The following PTPRB variants were observed in gnomAD, a reference collection of about 807,000 sequenced individuals.
PTPRB encodes the protein protein tyrosine phosphatase receptor type B, also known as receptor-type tyrosine-protein phosphatase beta.
A neutral mutation model predicts 238.1 loss-of-function variants in PTPRB; 97 were observed. The ratio of observed to expected loss-of-function variants is 0.41; its 90% CI spans 0.35 to 0.48. The LOEUF is 0.48. Among genes scored for constraint, PTPRB ranks in the 20% least tolerant of loss-of-function variants. The pLI is 0.30. For missense variants in PTPRB, 2,292 were observed against 2,681.9 expected (o/e 0.85, Z 3.21); for synonymous variants, 970 against 995.4 (o/e 0.97, Z 0.48).
At chr12:70,601,790 C>CTTTTTTTTTTTTTTTTT in intron 4 of PTPRB, among the ~76,000 whole-genome samples, 1 of 127,540 alleles carries the variant, frequency 7.8e-6, no homozygotes, top group African/African-American at 2.9e-5. Flanking sequence ...TTTCTTTTTT[C>CTTTTTTTTTTTTTTTTT]TTTTTTTTTT....
intron 29 of PTPRB, among the ~76,000 whole-genome samples, chr12:70,535,644 G>C (rs1483181759): frequency 1.3e-5 from 2 of 152,152 alleles, no homozygotes; most frequent in Non-Finnish European, 2.9e-5. Flanking sequence ...TTTACTTTGT[G>C]TCTGCCAACA....
rs377608066 is a variant in PTPRB at position 70,534,955 on chromosome 12, C to T, written c.6082G>A (p.Val2028Ile). 13 of 1,612,846 alleles carry T rather than the reference C, an allele frequency of 8.1e-6. No homozygotes were observed. In the Admixed American group the frequency reaches 1.7e-4, roughly 21 times the overall value. The change falls in exon 30 of 34, where the codon GTA becomes ATA. Residue 2028 changes from valine (V) to isoleucine (I), a missense_variant and splice_region_variant. Val to Ile is a conservative substitution (Grantham distance 29, BLOSUM62 3). This residue lies in a region of PTPRB where 397 missense variants were observed against 502.0 expected (regional missense o/e 0.79). Coordinates refer to ENST00000334414, the MANE Select transcript of PTPRB (RefSeq NM_001109754.4). ...GCTGGCCAGTAATGATCACACTTTACCTAGAACAGGACAGACAGAAAAAAC... is the reference window on the plus strand; with the variant it reads ...GCTGGCCAGTAATGATCACACTTTATCTAGAACAGGACAGACAGAAAAAAC... ...MVTQCVEKGR[V>I]KCDHYWPADQ...
intron 10 of PTPRB, among the ~76,000 whole-genome samples, chr12:70,580,541 C>T (rs1016935845): frequency 6.6e-6 from 1 of 152,162 alleles, no homozygotes. Flanking sequence ...AATATTCAGC[C>T]AGGAGTGGTG....
chr12:70,561,321 C>T (rs758580064), intron 16 of PTPRB, among the ~76,000 whole-genome samples: 1 of 152,178 alleles, frequency 6.6e-6, no homozygotes. Flanking sequence ...CTCTCTGGGT[C>T]TCTTTACATC....
At chr12:70,592,016 G>A in intron 7 of PTPRB, 1 of 504,618 alleles carries the variant, frequency 2.0e-6, no homozygotes, top group East Asian at 3.4e-5. Context: ...TTATATACTG[G>A]TATCAATGCT....
At chr12:70,583,978 A>G (rs1196473801) in intron 9 of PTPRB, among the ~76,000 whole-genome samples, 1 of 152,186 alleles carries the variant, frequency 6.6e-6, no homozygotes, top group Non-Finnish European at 1.5e-5. Context: ...GATTTCAGCT[A>G]TTATAATTAT....
In PTPRB at chr12:70,576,620, C is replaced by A. The variant is rs371326615; in HGVS notation, c.2604G>T (p.Thr868=). Reference sequence around the variant, plus strand: ...AGTCATTACGACCGGAATTGTTCACCGTTACTCCACTCACACTGGAAGGGA... The same window carrying A: ...AGTCATTACGACCGGAATTGTTCACAGTTACTCCACTCACACTGGAAGGGA... ...RTVPSSVSGV[T]VNNSGRNDYL... Residue 868 remains threonine (T), a synonymous_variant, in exon 11 of 34, where the codon ACG becomes ACT. Coordinates refer to ENST00000334414, the MANE Select transcript of PTPRB (RefSeq NM_001109754.4). 2.0e-6 allele frequency: 3 copies of A among 1,519,112 alleles called. No individual in the cohort carries two copies. Among genetic ancestry groups the A allele is most frequent in the African/African-American group, 1.5e-5 (1 of 65,440 alleles). The allele number at this position is 1,519,112 out of a possible 1,614,324, so 94.1% of individuals were successfully genotyped here.
chr12:70,587,385 G>A, intron 8 of PTPRB, 118 bp from the exon 9 acceptor site: 2 of 1,198,814 alleles, frequency 1.7e-6, no homozygotes, highest in Non-Finnish European at 2.3e-6. Flanking sequence ...TTTATTTTAT[G>A]AATGTCTCTG....
At chr12:70,530,258 C>T (rs541847521) in intron 32 of PTPRB, among the ~76,000 whole-genome samples, 4 of 151,992 alleles carry the variant, frequency 2.6e-5, no homozygotes, top group South Asian at 2.1e-4. Context: ...TTAGGAATAA[C>T]GGTTAAGAAA....
chr12:70,626,298 TCTATCTATC>T (rs1448386886), intron 2 of PTPRB, among the ~76,000 whole-genome samples: 2 of 25,524 alleles, frequency 7.8e-5, no homozygotes, highest in African/African-American at 3.5e-4. Flanking sequence ...TATCCATCCA[TCTATCTATC>T]TATCTATCTA....
intron 8 of PTPRB, among the ~76,000 whole-genome samples, chr12:70,588,216 T>C (rs1469367332): frequency 6.6e-6 from 1 of 152,222 alleles, no homozygotes; most frequent in Non-Finnish European, 1.5e-5. Flanking sequence ...AAATTTTCTA[T>C]AAATCCATTC....
chr12:70,630,004 T>C (rs550815891), intron 2 of PTPRB, among the ~76,000 whole-genome samples: 12 of 152,282 alleles, frequency 7.9e-5, no homozygotes, highest in Admixed American at 1.3e-4. Flanking sequence ...ACAGCCGAAT[T>C]CTACCAGAGG....
At chr12:70,593,742 A>G (rs1327645126) in intron 6 of PTPRB, among the ~76,000 whole-genome samples, 1 of 152,084 alleles carries the variant, frequency 6.6e-6, no homozygotes, top group East Asian at 1.9e-4. Flanking sequence ...CCAGAAACTA[A>G]TGTCTAAGGC....
intron 2 of PTPRB, among the ~76,000 whole-genome samples, chr12:70,628,975 A>G (rs1371404023): frequency 6.6e-6 from 1 of 152,170 alleles, no homozygotes; most frequent in Non-Finnish European, 1.5e-5. Context: ...CATTCCTGAA[A>G]GTAGTCCTTA....
At position 70,596,183 on chromosome 12, in the gene PTPRB, A is replaced by G; in HGVS notation, c.1124T>C (p.Val375Ala). 2.5e-6 allele frequency: 4 copies of G among 1,611,920 alleles called. No individual in the cohort carries two copies. The highest frequency in any genetic ancestry group is 3.4e-6 in the Non-Finnish European group (4 of 1,179,336). ...CCATGAAGTACTTTCTTGAATTTGA[A>G]CCCCCTGTATCTTTTGGTTATTTTC... The part of the protein sequence containing the change: ...FDENNQKIQG[V>A]QIQESTSWNE... Residue 375 changes from valine (V) to alanine (A), a missense_variant, in exon 5 of 34, where the codon GTT becomes GCT. Coordinates refer to ENST00000334414, the MANE Select transcript of PTPRB (RefSeq NM_001109754.4).
At chr12:70,594,827 C>T (rs1378924042) in intron 5 of PTPRB, 103 bp from the exon 6 acceptor site, 6 of 1,365,002 alleles carry the variant, frequency 4.4e-6, no homozygotes, top group Non-Finnish European at 6.0e-6. Context: ...TTCCTCTGTA[C>T]ATCTTAACTT....
intron 4 of PTPRB, among the ~76,000 whole-genome samples, chr12:70,599,475 A>G (rs926669019): frequency 6.6e-6 from 1 of 152,188 alleles, no homozygotes; most frequent in Non-Finnish European, 1.5e-5. Flanking sequence ...ATGAGAACTA[A>G]TAATAAATCA....
chr12:70,629,952 A>C (rs1592610536), intron 2 of PTPRB, among the ~76,000 whole-genome samples: 1 of 152,186 alleles, frequency 6.6e-6, no homozygotes, highest in East Asian at 1.9e-4. Context: ...GGCAATAATT[A>C]ATAGCCTACC....
At chr12:70,581,729 T>C (rs920954999) in intron 9 of PTPRB, among the ~76,000 whole-genome samples, 3 of 152,048 alleles carry the variant, frequency 2.0e-5, no homozygotes, top group East Asian at 1.9e-4. Context: ...CTGTTGATTA[T>C]GGTCTAGCAA....
Sources: allele counts gnomAD v4.1 joint callset (sites outside exome capture counted in the v4.1 genomes callset), GRCh38; gene constraint gnomAD v4.1.1; regional missense constraint gnomAD v4.1.1; transcripts MANE v1.5; gene names NCBI Gene and HGNC (gene_info 2026-07-23, HGNC 2026-07-21).